PRKAA2: variants seen among roughly 807,000 people sequenced by gnomAD.
PRKAA2 encodes protein kinase AMP-activated catalytic subunit alpha 2.
In PRKAA2, 40 loss-of-function variants were observed where a neutral mutation model predicts 56.3. The ratio of observed to expected loss-of-function variants is 0.71; its 90% CI spans 0.55 to 0.92. The LOEUF (loss-of-function observed/expected upper bound fraction) is 0.92. PRKAA2 is among the 40% of genes least tolerant of loss of function. The probability of loss-of-function intolerance (pLI) is 0.00; values close to 1 mark genes in which losing one functional copy is unlikely to be tolerated. For missense variants in PRKAA2, 542 were observed against 686.9 expected (o/e 0.79, Z 2.36); for synonymous variants, 214 against 234.2 (o/e 0.91, Z 0.79).
intron 7 of PRKAA2, 108 bp downstream of exon 7, chr1:56,704,583 T>C: frequency 7.9e-7 from 1 of 1,267,486 alleles, no homozygotes; most frequent in South Asian, 1.6e-5. Flanking sequence ...TCTAGTAATA[T>C]GCTATGCACA....
intron 1 of PRKAA2, among the ~76,000 whole-genome samples, chr1:56,655,413 CTTTT>C (rs10710505): frequency 7.1e-6 from 1 of 139,962 alleles, no homozygotes. Context: ...CCATGCCCAG[CTTTT>C]TTTTTTTTTT....
chr1:56,651,748 T>C (rs1219729798), intron 1 of PRKAA2, among the ~76,000 whole-genome samples: 1 of 152,198 alleles, frequency 6.6e-6, no homozygotes, highest in African/African-American at 2.4e-5. Context: ...CCTCAATCTT[T>C]CATTTCTTAT....
chr1:56,666,029 T>C (rs778433518), intron 1 of PRKAA2, among the ~76,000 whole-genome samples: 3 of 152,206 alleles, frequency 2.0e-5, no homozygotes, highest in Non-Finnish European at 4.4e-5. Flanking sequence ...AACTCTCTTT[T>C]GATAGGTGTT....
At chr1:56,694,875 A>G (rs1484691882) in intron 5 of PRKAA2, among the ~76,000 whole-genome samples, 1 of 152,200 alleles carries the variant, frequency 6.6e-6, no homozygotes, top group East Asian at 1.9e-4. Flanking sequence ...CATTTTTTAT[A>G]TAAACAGATT....
chr1:56,672,066 C>G (rs1644080978), intron 1 of PRKAA2, among the ~76,000 whole-genome samples: 1 of 152,084 alleles, frequency 6.6e-6, no homozygotes, highest in South Asian at 2.1e-4. Flanking sequence ...AAATAGAAGA[C>G]ACAAGTTTGG....
At chr1:56,681,981 C>A (rs1298136679) in intron 2 of PRKAA2, among the ~76,000 whole-genome samples, 1 of 151,856 alleles carries the variant, frequency 6.6e-6, no homozygotes, top group Non-Finnish European at 1.5e-5. Flanking sequence ...TTCTTCCTAT[C>A]CATGAGCATG....
chr1:56,697,083 C>T (rs1178142528), intron 6 of PRKAA2, among the ~76,000 whole-genome samples: 1 of 130,122 alleles, frequency 7.7e-6, no homozygotes, highest in Non-Finnish European at 1.5e-5. Context: ...GATCACAGCT[C>T]ACTGTAGGTA....
At chr1:56,650,314 G>T (rs561914562) in intron 1 of PRKAA2, among the ~76,000 whole-genome samples, 3 of 152,174 alleles carry the variant, frequency 2.0e-5, no homozygotes, top group Non-Finnish European at 4.4e-5. Flanking sequence ...GTATTATCAG[G>T]TTGCTGAGGG....
intron 8 of PRKAA2, among the ~76,000 whole-genome samples, chr1:56,706,876 T>C (rs1263091742): frequency 6.6e-6 from 1 of 152,108 alleles, no homozygotes; most frequent in Non-Finnish European, 1.5e-5. Context: ...AACGAAGCAT[T>C]TAAATTTTAC....
intron 6 of PRKAA2, among the ~76,000 whole-genome samples, chr1:56,701,488 A>C (rs1221762660): frequency 2.0e-5 from 3 of 152,198 alleles, no homozygotes; most frequent in Non-Finnish European, 4.4e-5. Context: ...CAATAAACAC[A>C]TGAATGAATT....
At chr1:56,695,847 A>T (rs1340727746) in intron 5 of PRKAA2, 88 bp from the exon 6 acceptor site, 1 of 1,089,866 alleles carries the variant, frequency 9.2e-7, no homozygotes, top group African/African-American at 1.6e-5. Context: ...ATATGTACTG[A>T]ATGTAGACTA....
Position 56,700,336 on chromosome 1 carries a change from G to A in PRKAA2, c.789-3635G>A, listed in dbSNP as rs931783901. On this transcript the variant is annotated intron_variant, in intron 6 of 8. Transcript: ENST00000371244. ...TGTGTGATATTGGGGTATATCCTTA[G>A]TGCTCCAACAGGCAGTTGTAACTCT... Among the ~76,000 whole-genome samples, 12 of 152,240 alleles carry A rather than the reference G, an allele frequency of 7.9e-5. 1 individual carries two copies. In the South Asian group the frequency reaches 2.5e-3, roughly 32 times the overall value.
chr1:56,664,134 A>C (rs1644016237), intron 1 of PRKAA2, among the ~76,000 whole-genome samples: 4 of 152,106 alleles, frequency 2.6e-5, no homozygotes, highest in Admixed American at 2.6e-4. Context: ...CCCTTCTTAA[A>C]ACAAATTACC....
intron 2 of PRKAA2, among the ~76,000 whole-genome samples, chr1:56,680,887 C>A (rs555346468): frequency 6.6e-6 from 1 of 152,088 alleles, no homozygotes; most frequent in South Asian, 2.1e-4. Flanking sequence ...AATGGGATGG[C>A]GGGTCAAATG....
At chr1:56,648,800 A>T (rs1310042381) in intron 1 of PRKAA2, among the ~76,000 whole-genome samples, 2 of 152,206 alleles carry the variant, frequency 1.3e-5, no homozygotes, top group Non-Finnish European at 2.9e-5. Context: ...CGTTTCCCTA[A>T]GGACTAATGA....
chr1:56,695,183 T>G (rs1166264261), intron 5 of PRKAA2, among the ~76,000 whole-genome samples: 2 of 38,078 alleles, frequency 5.3e-5, no homozygotes, highest in African/African-American at 2.7e-4. Context: ...TATGATATAT[T>G]ATATATATAT....
chr1:56,704,761 A>T (rs899595051), intron 7 of PRKAA2, among the ~76,000 whole-genome samples: 1 of 152,124 alleles, frequency 6.6e-6, no homozygotes, highest in Non-Finnish European at 1.5e-5. Flanking sequence ...ATGAAAAATC[A>T]TGAGTGTCTT....
chr1:56,658,506 A>G (rs1041782795), intron 1 of PRKAA2, among the ~76,000 whole-genome samples: 1 of 152,100 alleles, frequency 6.6e-6, no homozygotes, highest in African/African-American at 2.4e-5. Flanking sequence ...CAACGGTGTT[A>G]AAGAGTCTAC....
intron 2 of PRKAA2, among the ~76,000 whole-genome samples, chr1:56,680,187 C>A (rs1644143188): frequency 6.6e-6 from 1 of 152,118 alleles, no homozygotes; most frequent in African/African-American, 2.4e-5. Flanking sequence ...TGAAAACCTA[C>A]TTTACTCACT....
Sources: gnomAD v4.1 joint callset for allele counts (sites outside exome capture counted in the v4.1 genomes callset) on GRCh38, gnomAD v4.1.1 for gene constraint, MANE v1.5 for transcripts, NCBI Gene and HGNC (gene_info 2026-07-23, HGNC 2026-07-21) for gene names.